STON1: variants seen among roughly 807,000 people sequenced by gnomAD.
STON1 encodes stonin-1.
In STON1, 79 loss-of-function variants were observed where a neutral mutation model predicts 60.9. The observed-to-expected ratio is 1.30, with a 90% CI of 1.08 to 1.56. The LOEUF is 1.56. Ranked by LOEUF, STON1 falls within the 40% of genes most tolerant of loss-of-function variation. The pLI, the probability that STON1 is intolerant of heterozygous loss-of-function variation, is 0.00. For missense variants in STON1, 1,166 were observed against 858.9 expected, an observed-to-expected ratio of 1.36 and a Z score of -4.47; for synonymous variants, 363 against 306.9, an observed-to-expected ratio of 1.18 and a Z score of -1.91.
intron 1 of STON1, among the ~76,000 whole-genome samples, chr2:48,570,637 A>G (rs547207205): frequency 1.3e-5 from 2 of 152,244 alleles, no homozygotes; most frequent in South Asian, 4.1e-4. Flanking sequence ...GTGAATAGGC[A>G]TGTGTGCCTA....
chr2:48,577,788 A>G (rs983155338), intron 1 of STON1, among the ~76,000 whole-genome samples: 2 of 150,526 alleles, frequency 1.3e-5, no homozygotes, highest in Non-Finnish European at 3.0e-5. Context: ...GCTATTTTTT[A>G]TATTTTTAGT....
chr2:48,558,611 G>T (rs1672481713), intron 1 of STON1, among the ~76,000 whole-genome samples: 1 of 152,240 alleles, frequency 6.6e-6, no homozygotes, highest in South Asian at 2.1e-4. Flanking sequence ...GGTGAATAAA[G>T]CCAGGTGGGA....
chr2:48,558,133 G>T (rs567147623), intron 1 of STON1, among the ~76,000 whole-genome samples: 13 of 152,306 alleles, frequency 8.5e-5, no homozygotes, highest in African/African-American at 3.1e-4. Flanking sequence ...TGAGGCAGAA[G>T]AATCGCTTGA....
rs1201757044 is a variant in STON1 at position 48,576,515 on chromosome 2, TA to T, written c.-47-4068del. Among the ~76,000 whole-genome samples the T allele has an allele frequency of 6.7e-3, 876 of 129,942 alleles. 8 individuals carry two copies. The highest frequency in any genetic ancestry group is 0.02 in the African/African-American group (730 of 35,894). The allele number at this position is 129,942 out of a possible 152,430, so 85.2% of individuals were successfully genotyped here. On this transcript the variant is annotated intron_variant, in intron 1 of 3. Coordinates refer to ENST00000404752, the MANE Select transcript of STON1 (RefSeq NM_006873.4). ...ATATTATCCTTTTTTTTTTTTTTTTTAAAAGAAAATAATGGCCATTCTAAAA... is the reference window on the plus strand; with the variant it reads ...ATATTATCCTTTTTTTTTTTTTTTTTAAAGAAAATAATGGCCATTCTAAAA...
intron 1 of STON1, among the ~76,000 whole-genome samples, chr2:48,543,315 G>C (rs1456741325): frequency 6.6e-6 from 1 of 151,722 alleles, no homozygotes; most frequent in Non-Finnish European, 1.5e-5. Flanking sequence ...ATTTATTTTG[G>C]GCGAATTTCC....
chr2:48,559,851 C>G (rs1672535893), intron 1 of STON1, among the ~76,000 whole-genome samples: 1 of 152,122 alleles, frequency 6.6e-6, no homozygotes, highest in Non-Finnish European at 1.5e-5. Context: ...AGAATTTGTA[C>G]CAGAACCTTT....
intron 3 of STON1, among the ~76,000 whole-genome samples, chr2:48,593,338 A>G (rs1407319080): frequency 6.6e-6 from 1 of 151,002 alleles, no homozygotes; most frequent in Non-Finnish European, 1.5e-5. Context: ...GCTGGTCTCG[A>G]ACTCCTGACC....
chr2:48,556,383 C>T (rs1466317957), intron 1 of STON1, among the ~76,000 whole-genome samples: 1 of 5,450 alleles, frequency 1.8e-4, no homozygotes, highest in Non-Finnish European at 4.1e-4. Flanking sequence ...GGCGGCTGGC[C>T]GGGCGGGGGG....
intron 1 of STON1, among the ~76,000 whole-genome samples, chr2:48,539,284 CTACT>C (rs1194869312): frequency 6.6e-6 from 1 of 151,998 alleles, no homozygotes; most frequent in Non-Finnish European, 1.5e-5. Context: ...TAGATGTCTA[CTACT>C]TAATCTTTTC....
intron 2 of STON1, among the ~76,000 whole-genome samples, chr2:48,586,715 G>T (rs1470619337): frequency 4.2e-4 from 1 of 2,370 alleles, no homozygotes; most frequent in African/African-American, 7.2e-3. Context: ...GGGCCTCGGG[G>T]TTGTTTTCGG....
intron 1 of STON1, among the ~76,000 whole-genome samples, chr2:48,533,111 CG>C (rs1671279557): frequency 6.6e-6 from 1 of 151,914 alleles, no homozygotes; most frequent in South Asian, 2.1e-4. Context: ...GGGCCGGGCG[CG>C]GTGGCTTCCG....
chr2:48,588,339 C>T lies in STON1; in HGVS notation c.1931-3314C>T, dbSNP rs999326589. Among the ~76,000 whole-genome samples the T allele has an allele frequency of 1.1e-4, 16 of 152,058 alleles. 1 individual carries two copies. Among genetic ancestry groups the T allele is most frequent in the Admixed American group, 7.2e-4 (11 of 15,272 alleles). ...AATTTTATCCTTTTCAAGATTGTCT[C>T]GGAAAACTTTGCATTATTTGAAAAG... On this transcript the variant is annotated intron_variant, in intron 2 of 3. Transcript: ENST00000404752.
chr2:48,570,873 T>G (rs12990293), intron 1 of STON1, among the ~76,000 whole-genome samples: 1 of 130,356 alleles, frequency 7.7e-6, no homozygotes, highest in African/African-American at 2.9e-5. Context: ...TTTTTTTTTG[T>G]CTTTCCCCAG....
In STON1 at chr2:48,596,504, G is replaced by C. The variant is rs571476849; in HGVS notation, c.*1202G>C. On this transcript the variant is annotated 3_prime_UTR_variant, in exon 4 of 4. Coordinates refer to ENST00000404752, the MANE Select transcript of STON1 (RefSeq NM_006873.4). ...ATATTCCAGGTATTGTTTTTAGTCT[G>C]AAAAACAAACTCCCCCATGTGGTAT... 1 of 152,038 alleles carries C rather than the reference G, an allele frequency of 6.6e-6. No homozygotes were observed. Among genetic ancestry groups the C allele is most frequent in the Non-Finnish European group, 1.5e-5 (1 of 67,992 alleles). The allele number at this position is 152,038 out of a possible 1,614,324, so 9.4% of individuals were successfully genotyped here.
intron 1 of STON1, chr2:48,531,295 C>G (rs1242269509): frequency 6.6e-6 from 1 of 152,282 alleles, no homozygotes; most frequent in East Asian, 1.9e-4. Flanking sequence ...TCCCCCACCC[C>G]CACTTTCTTT....
At chr2:48,541,351 TC>T (rs1671643509) in intron 1 of STON1, among the ~76,000 whole-genome samples, 1 of 146,116 alleles carries the variant, frequency 6.8e-6, no homozygotes, top group African/African-American at 2.5e-5. Flanking sequence ...AGACTCCATC[TC>T]AAAAAAAAAA....
intron 1 of STON1, among the ~76,000 whole-genome samples, chr2:48,556,893 G>A (rs1370565105): frequency 7.6e-5 from 1 of 13,220 alleles, no homozygotes; most frequent in African/African-American, 4.0e-4. Flanking sequence ...CCGGGCTGAG[G>A]GGCTCCTCAC....
chr2:48,538,036 C>G (rs1306841992), intron 1 of STON1, among the ~76,000 whole-genome samples: 1 of 151,758 alleles, frequency 6.6e-6, no homozygotes, highest in Non-Finnish European at 1.5e-5. Context: ...TCACTGCAAC[C>G]TCCGACTCCC....
chr2:48,539,077 C>A (rs1311275144), intron 1 of STON1, among the ~76,000 whole-genome samples: 2 of 151,978 alleles, frequency 1.3e-5, no homozygotes, highest in Non-Finnish European at 2.9e-5. Context: ...ACCACTATGC[C>A]CAGCAAAGTT....
Sources: allele counts gnomAD v4.1 joint callset (sites outside exome capture counted in the v4.1 genomes callset), GRCh38; gene constraint gnomAD v4.1.1; transcripts MANE v1.5; gene names NCBI Gene and HGNC (gene_info 2026-07-23, HGNC 2026-07-21).